ADAMTS16: variants seen among roughly 807,000 people sequenced by gnomAD.
The protein encoded by ADAMTS16 is A disintegrin and metalloproteinase with thrombospondin motifs 16.
ADAMTS16 carries 94 observed loss-of-function variants against 145.8 expected under a neutral mutation model. That is an observed-to-expected ratio of 0.64 (90% CI 0.55 to 0.77). ADAMTS16 has a LOEUF of 0.77. Among genes scored for constraint, ADAMTS16 ranks in the 30% least tolerant of loss-of-function variants. ADAMTS16 has a pLI of 0.00. For missense variants in ADAMTS16, 1,585 were observed against 1,591.5 expected (o/e 1.00, Z 0.07); for synonymous variants, 659 against 604.3 (o/e 1.09, Z -1.33).
chr5:5,155,826 G>A (rs1037630874), intron 3 of ADAMTS16, among the ~76,000 whole-genome samples: 7 of 152,110 alleles, frequency 4.6e-5, no homozygotes, highest in African/African-American at 1.4e-4. Context: ...GTCCACAGGA[G>A]CTGACAAGAA....
intron 18 of ADAMTS16, among the ~76,000 whole-genome samples, chr5:5,293,673 T>C (rs772095461): frequency 2.4e-4 from 37 of 152,144 alleles, no homozygotes; most frequent in Non-Finnish European, 4.7e-4. Context: ...TGCGTTCCTT[T>C]CCTTTAAAAG....
At chr5:5,283,753 T>A (rs1188400112) in intron 18 of ADAMTS16, among the ~76,000 whole-genome samples, 3 of 152,158 alleles carry the variant, frequency 2.0e-5, no homozygotes, top group Non-Finnish European at 4.4e-5. Context: ...TCAAAAGAAG[T>A]GAGCAGTCAT....
intron 14 of ADAMTS16, among the ~76,000 whole-genome samples, chr5:5,238,163 G>A (rs1396571540): frequency 1.3e-5 from 2 of 152,048 alleles, no homozygotes; most frequent in Non-Finnish European, 2.9e-5. Flanking sequence ...TTGTCTAATT[G>A]TTAATTGATG....
intron 3 of ADAMTS16, among the ~76,000 whole-genome samples, chr5:5,160,062 A>G (rs1734701613): frequency 6.6e-6 from 1 of 152,248 alleles, no homozygotes; most frequent in Non-Finnish European, 1.5e-5. Context: ...AAAAGAAGCT[A>G]GGATCTTTTA....
chr5:5,197,804 G>A (rs961523629), intron 8 of ADAMTS16, among the ~76,000 whole-genome samples: 3 of 152,108 alleles, frequency 2.0e-5, no homozygotes, highest in Admixed American at 6.6e-5. Context: ...ACAAATGTGG[G>A]CATTGTACTG....
chr5:5,197,156 G>A (rs1279820852), intron 8 of ADAMTS16, among the ~76,000 whole-genome samples: 3 of 152,192 alleles, frequency 2.0e-5, no homozygotes, highest in East Asian at 1.9e-4. Flanking sequence ...GTTCCTTTAA[G>A]AATGTCTCAT....
In ADAMTS16 at chr5:5,303,630, A is replaced by T; in HGVS notation, c.3050A>T (p.Asn1017Ile). The T allele has an allele frequency of 1.9e-6, 3 of 1,613,950 alleles. No homozygotes were observed. The highest frequency in any genetic ancestry group is 1.7e-6 in the Non-Finnish European group (2 of 1,180,012). The change falls in exon 20 of 23, where the codon AAC becomes ATC. Residue 1017 changes from asparagine to isoleucine, a missense_variant. By Grantham distance (149) the Asn-to-Ile change is moderately radical. This residue lies in a region of ADAMTS16 where 834 missense variants were observed against 811.7 expected (regional missense o/e 1.03). Coordinates refer to ENST00000274181, the MANE Select transcript of ADAMTS16 (RefSeq NM_139056.4). ...CGGGCAGTGGCCTGTAAGAGCACCA[A>T]CCCCTCGGCCAGAGCGCAGCTGCTG... Reference protein sequence around the residue: ...RKRAVACKSTNPSARAQLLPD... With the variant: ...RKRAVACKSTIPSARAQLLPD...
At chr5:5,160,043 A>G (rs1231000992) in intron 3 of ADAMTS16, among the ~76,000 whole-genome samples, 1 of 152,238 alleles carries the variant, frequency 6.6e-6, no homozygotes, top group Non-Finnish European at 1.5e-5. Flanking sequence ...GATTGCAGCT[A>G]CTAAGCCAAA....
intron 10 of ADAMTS16, among the ~76,000 whole-genome samples, chr5:5,215,791 G>GTA (rs1736410954): frequency 2.2e-5 from 1 of 45,600 alleles, no homozygotes; most frequent in Non-Finnish European, 3.9e-5. Context: ...GTATATATAT[G>GTA]TGTGGTATAT....
chr5:5,189,816 T>C (rs1406616244), intron 6 of ADAMTS16, among the ~76,000 whole-genome samples, 155 bp from the exon 7 acceptor site: 2 of 152,236 alleles, frequency 1.3e-5, no homozygotes, highest in African/African-American at 4.8e-5. Flanking sequence ...ACGGGTTTTA[T>C]AGAATACGTA....
chr5:5,240,960 G>A (rs1043748469), intron 16 of ADAMTS16, among the ~76,000 whole-genome samples: 3 of 152,092 alleles, frequency 2.0e-5, no homozygotes, highest in Non-Finnish European at 2.9e-5. Context: ...AAAATAAGTG[G>A]GGCTTGTTAG....
chr5:5,179,551 G>A (rs1332474440), intron 3 of ADAMTS16, among the ~76,000 whole-genome samples: 1 of 152,216 alleles, frequency 6.6e-6, no homozygotes, highest in Non-Finnish European at 1.5e-5. Context: ...AAGGTTGAAA[G>A]CTAATTGGCT....
In ADAMTS16 at chr5:5,290,322, T is replaced by C. The variant is rs557712206; in HGVS notation, c.2790-12946T>C. On this transcript the variant is annotated intron_variant, in intron 18 of 22. Coordinates refer to ENST00000274181, the MANE Select transcript of ADAMTS16 (RefSeq NM_139056.4). ...TCTCACGATCACAGTCCATGAACTT[T>C]GTGGCAGAAGGGCCACTTCTCCCCT... Among the ~76,000 whole-genome samples the C allele has an allele frequency of 7.2e-5, 11 of 152,286 alleles. 1 individual carries two copies. In the South Asian group the frequency reaches 1.7e-3, roughly 23 times the overall value.
intron 18 of ADAMTS16, among the ~76,000 whole-genome samples, chr5:5,298,567 T>C (rs533025325): frequency 7.9e-5 from 12 of 152,266 alleles, no homozygotes; most frequent in Admixed American, 2.6e-4. Context: ...TCCTGGCCTC[T>C]GTACTTTCAG....
intron 8 of ADAMTS16, among the ~76,000 whole-genome samples, chr5:5,192,784 A>C (rs1422153004): frequency 2.0e-5 from 3 of 152,158 alleles, no homozygotes; most frequent in Non-Finnish European, 4.4e-5. Flanking sequence ...TTCTTAATAC[A>C]ATTTCTGAGG....
At chr5:5,199,809 A>C (rs1735907278) in intron 8 of ADAMTS16, among the ~76,000 whole-genome samples, 2 of 152,162 alleles carry the variant, frequency 1.3e-5, no homozygotes, top group African/African-American at 4.8e-5. Flanking sequence ...GAGTGTGGAG[A>C]AAAAGAAGCT....
intron 18 of ADAMTS16, among the ~76,000 whole-genome samples, chr5:5,273,094 TCTCACCCACAGAAGCCACCGTG>T (rs1349269852): frequency 6.6e-6 from 1 of 152,182 alleles, no homozygotes; most frequent in Non-Finnish European, 1.5e-5. Context: ...GGACTGTGTG[TCTCACCCACAGAAGCCACCGTG>T]CTGAGGCCCA....
intron 9 of ADAMTS16, among the ~76,000 whole-genome samples, chr5:5,205,781 C>T (rs1736088149): frequency 2.0e-5 from 3 of 152,016 alleles, no homozygotes; most frequent in Admixed American, 6.6e-5. Context: ...TTTTGTTATT[C>T]TTGTTGTTAT....
At chr5:5,289,833 C>T (rs1739234512) in intron 18 of ADAMTS16, among the ~76,000 whole-genome samples, 1 of 152,206 alleles carries the variant, frequency 6.6e-6, no homozygotes, top group Non-Finnish European at 1.5e-5. Context: ...TACTATCTGG[C>T]CCTTTAATAA....
Sources: allele counts gnomAD v4.1 joint callset (sites outside exome capture counted in the v4.1 genomes callset), GRCh38; gene constraint gnomAD v4.1.1; regional missense constraint gnomAD v4.1.1; transcripts MANE v1.5; gene names NCBI Gene and HGNC (gene_info 2026-07-23, HGNC 2026-07-21).